ZBTB20: variants seen among roughly 807,000 people sequenced by gnomAD.
ZBTB20 encodes zinc finger and BTB domain-containing protein 20.
Under a neutral mutation model 56.9 loss-of-function variants are expected in ZBTB20, and 9 were observed. The ratio of observed to expected loss-of-function variants is 0.16; its 90% confidence interval spans 0.10 to 0.28. The LOEUF (loss-of-function observed/expected upper bound fraction) is 0.28, where lower values mean the gene tolerates loss of function less well. Ranked by LOEUF, ZBTB20 falls within the 10% of genes least tolerant of loss-of-function variation. The pLI, the probability that ZBTB20 is intolerant of heterozygous loss-of-function variation, is 1.00. For missense variants in ZBTB20, 655 were observed against 1,003.0 expected (o/e 0.65, Z 4.69); for synonymous variants, 417 against 420.7 (o/e 0.99, Z 0.11).
chr3:114,356,137 G>A (rs1462990627), intron 10 of ZBTB20: 1 of 152,178 alleles, frequency 6.6e-6, no homozygotes, highest in Non-Finnish European at 1.5e-5. Context: ...TGTATTCTAA[G>A]AGACTGTTCT....
At chr3:114,531,077 C>A (rs533582318) in intron 6 of ZBTB20, among the ~76,000 whole-genome samples, 1 of 152,262 alleles carries the variant, frequency 6.6e-6, no homozygotes, top group East Asian at 1.9e-4. Context: ...GACCTTTCTT[C>A]GGAGCTTCAA....
At chr3:114,575,186 C>A (rs559637778) in intron 6 of ZBTB20, among the ~76,000 whole-genome samples, 35 of 152,162 alleles carry the variant, frequency 2.3e-4, no homozygotes, top group Admixed American at 9.8e-4. Context: ...GTCATTTTTA[C>A]AATTTAAAAA....
chr3:114,466,947 AG>A (rs2092579132), intron 7 of ZBTB20, among the ~76,000 whole-genome samples: 1 of 152,226 alleles, frequency 6.6e-6, no homozygotes, highest in Admixed American at 6.5e-5. Context: ...TTTGCTATTC[AG>A]CGGTGGACAC....
chr3:114,551,256 A>T (rs1172197528), intron 6 of ZBTB20, among the ~76,000 whole-genome samples: 1 of 152,214 alleles, frequency 6.6e-6, no homozygotes, highest in Non-Finnish European at 1.5e-5. Flanking sequence ...TCCTGTTCAC[A>T]ATAAAAGAGA....
chr3:114,769,996 C>T (rs1174366219), intron 5 of ZBTB20, among the ~76,000 whole-genome samples: 1 of 151,844 alleles, frequency 6.6e-6, no homozygotes, highest in African/African-American at 2.4e-5. Context: ...AAGGCAGAGG[C>T]TGCAGTGAGC....
chr3:114,757,250 G>C (rs1205357129), intron 5 of ZBTB20, among the ~76,000 whole-genome samples: 1 of 152,078 alleles, frequency 6.6e-6, no homozygotes, highest in African/African-American at 2.4e-5. Context: ...CAGAGAGAAA[G>C]GATTATGCTT....
At chr3:114,871,583 G>C (rs2076013501) in intron 4 of ZBTB20, among the ~76,000 whole-genome samples, 1 of 152,040 alleles carries the variant, frequency 6.6e-6, no homozygotes, top group Non-Finnish European at 1.5e-5. Flanking sequence ...CGGAATAGGG[G>C]CCCTCTTCAA....
At chr3:114,851,054 G>A (rs1335454422) in intron 4 of ZBTB20, among the ~76,000 whole-genome samples, 1 of 152,166 alleles carries the variant, frequency 6.6e-6, no homozygotes, top group South Asian at 2.1e-4. Context: ...AACTCTCTTA[G>A]GTGGCTCCCT....
chr3:114,348,765 A>G (rs2080400418), intron 11 of ZBTB20, among the ~76,000 whole-genome samples: 1 of 152,136 alleles, frequency 6.6e-6, no homozygotes, highest in Non-Finnish European at 1.5e-5. Context: ...CCCCAATCTA[A>G]ACTTCACTGT....
intron 7 of ZBTB20, among the ~76,000 whole-genome samples, chr3:114,466,195 C>G (rs2092544448): frequency 6.6e-6 from 1 of 152,088 alleles, no homozygotes; most frequent in African/African-American, 2.4e-5. Flanking sequence ...ATATATATCC[C>G]ATATATGTAT....
chr3:114,871,353 C>G (rs962507182), intron 4 of ZBTB20, among the ~76,000 whole-genome samples: 4 of 152,140 alleles, frequency 2.6e-5, no homozygotes, highest in Non-Finnish European at 5.9e-5. Flanking sequence ...ATACATCTTT[C>G]AGTATCTCTG....
chr3:114,347,661 T>G (rs2080309694), intron 11 of ZBTB20, among the ~76,000 whole-genome samples: 1 of 152,202 alleles, frequency 6.6e-6, no homozygotes, highest in Non-Finnish European at 1.5e-5. Flanking sequence ...GACCAATTGT[T>G]CTAAAACTTT....
intron 3 of ZBTB20, among the ~76,000 whole-genome samples, chr3:114,963,893 G>A (rs1184728490): frequency 2.6e-5 from 4 of 152,122 alleles, no homozygotes; most frequent in South Asian, 2.1e-4. Flanking sequence ...ATAGTAAGCC[G>A]AGGGAAATTT....
At chr3:114,458,300 C>T (rs955702814) in intron 7 of ZBTB20, among the ~76,000 whole-genome samples, 5 of 152,214 alleles carry the variant, frequency 3.3e-5, no homozygotes, top group Middle Eastern at 3.4e-3. Context: ...AAAAAGCATA[C>T]GAATACACAC....
intron 5 of ZBTB20, among the ~76,000 whole-genome samples, chr3:114,749,917 C>CA (rs960979887): frequency 2.6e-5 from 4 of 152,182 alleles, no homozygotes; most frequent in Admixed American, 2.6e-4. Flanking sequence ...GCCAAATCAC[C>CA]ACATGCAGTA....
At chr3:114,363,039 G>A (rs980005041) in intron 10 of ZBTB20, among the ~76,000 whole-genome samples, 1 of 152,168 alleles carries the variant, frequency 6.6e-6, no homozygotes, top group African/African-American at 2.4e-5. Context: ...GGTCACTGGA[G>A]AGAATAAAAG....
chr3:114,414,669 A>C (rs2088332497), intron 7 of ZBTB20, among the ~76,000 whole-genome samples: 1 of 149,836 alleles, frequency 6.7e-6, no homozygotes, highest in Non-Finnish European at 1.5e-5. Context: ...AAAATGGGAA[A>C]AGTTATTTTT....
At chr3:114,520,398 T>C (rs1196385691) in intron 6 of ZBTB20, among the ~76,000 whole-genome samples, 2 of 152,182 alleles carry the variant, frequency 1.3e-5, no homozygotes, top group Non-Finnish European at 2.9e-5. Flanking sequence ...GTACATAATT[T>C]TGTTCGGCAT....
At chr3:114,467,349 CA>C (rs2092595031) in intron 7 of ZBTB20, among the ~76,000 whole-genome samples, 1 of 152,066 alleles carries the variant, frequency 6.6e-6, no homozygotes, top group South Asian at 2.1e-4. Context: ...GAAAGACAGA[CA>C]AACTTACATT....
Sources: allele counts gnomAD v4.1 joint callset (sites outside exome capture counted in the v4.1 genomes callset), GRCh38; gene constraint gnomAD v4.1.1; transcripts MANE v1.5; gene names NCBI Gene and HGNC (gene_info 2026-07-23, HGNC 2026-07-21).